The following CLTCL1 variants were observed in gnomAD, a reference collection of about 807,000 sequenced individuals.
CLTCL1 encodes clathrin heavy chain like 1.
Under a neutral mutation model 190.0 loss-of-function variants are expected in CLTCL1, and 159 were observed. The observed-to-expected ratio is 0.84, with a 90% confidence interval of 0.74 to 0.95. CLTCL1 has a LOEUF of 0.95. Ranked by LOEUF, CLTCL1 falls within the 40% of genes least tolerant of loss-of-function variation. CLTCL1 has a pLI of 0.00. For missense variants in CLTCL1, 1,878 were observed against 2,033.4 expected (o/e 0.92, Z 1.47); for synonymous variants, 752 against 769.6 (o/e 0.98, Z 0.38).
intron 1 of CLTCL1, among the ~76,000 whole-genome samples, chr22:19,279,214 C>A (rs1283492776): frequency 3.3e-5 from 5 of 152,198 alleles, no homozygotes; most frequent in Admixed American, 2.0e-4. Context: ...TGGTTCACTG[C>A]AACCTCCGCT....
intron 1 of CLTCL1, among the ~76,000 whole-genome samples, chr22:19,276,830 T>C (rs928339114): frequency 2.6e-5 from 4 of 152,176 alleles, no homozygotes; most frequent in South Asian, 2.1e-4. Flanking sequence ...CCACCACGCC[T>C]GGCTATTTTT....
At chr22:19,242,103 C>T (rs782185760) in intron 4 of CLTCL1, among the ~76,000 whole-genome samples, 7 of 151,642 alleles carry the variant, frequency 4.6e-5, no homozygotes, top group Non-Finnish European at 8.8e-5. Context: ...CAGCCAGGCC[C>T]GGCTAATTTT....
At chr22:19,279,192 A>G (rs2087619973) in intron 1 of CLTCL1, among the ~76,000 whole-genome samples, 2 of 152,084 alleles carry the variant, frequency 1.3e-5, no homozygotes, top group South Asian at 4.2e-4. Context: ...CTGGAGTGCA[A>G]TGGCACAATC....
At chr22:19,219,347 G>A (rs1457421887) in intron 18 of CLTCL1, among the ~76,000 whole-genome samples, 2 of 151,548 alleles carry the variant, frequency 1.3e-5, no homozygotes, top group African/African-American at 2.4e-5. Flanking sequence ...GCGCCACACA[G>A]TGTGTTTTCG....
intron 19 of CLTCL1, among the ~76,000 whole-genome samples, chr22:19,215,292 T>C (rs2085347561): frequency 2.0e-5 from 3 of 152,244 alleles, no homozygotes; most frequent in Admixed American, 2.0e-4. Context: ...AATTCCTCTC[T>C]ATAATACTAC....
At position 19,233,419 on chromosome 22, in the gene CLTCL1, T is replaced by C; in HGVS notation, c.1368+3A>G. 6.2e-7 allele frequency: 1 copy of C among 1,613,568 alleles called. No homozygotes were observed. The highest frequency in any genetic ancestry group is 8.5e-7 in the Non-Finnish European group (1 of 1,179,676). ...GGGGCTACGAGCTCACAAGTGTTTC[T>C]ACCTTATCTTCTTTCAGCCACTTCT... is the stretch of plus-strand genomic sequence containing the variant. On this transcript the variant is annotated splice_donor_region_variant and intron_variant, in intron 8 of 32. Coordinates refer to ENST00000427926, the MANE Select transcript of CLTCL1 (RefSeq NM_007098.4).
chr22:19,200,711 G>A (rs909798392), intron 23 of CLTCL1, among the ~76,000 whole-genome samples: 5 of 152,118 alleles, frequency 3.3e-5, no homozygotes, highest in African/African-American at 1.2e-4. Flanking sequence ...GCGTGGTGGC[G>A]GGCGCCTGTA....
rs782646824 is a variant in CLTCL1 at position 19,187,666 on chromosome 22, C to T, written c.4497G>A (p.Leu1499=). ...NFDNISLAQQ[L]EKHQLMEFRC... is the part of the protein sequence containing the mutation. Reference sequence around the variant, plus strand: ...TGAACTCCATCAGCTGATGCTTCTCCAGCTGCTGAGCCAGGCTGATGTTGT... The same window carrying T: ...TGAACTCCATCAGCTGATGCTTCTCTAGCTGCTGAGCCAGGCTGATGTTGT... The change falls in exon 29 of 33, where the codon CTG becomes CTA. Residue 1499 remains leucine, a synonymous_variant. Transcript: ENST00000427926. 6 of 1,613,862 alleles carry T rather than the reference C, an allele frequency of 3.7e-6. No individual in the cohort carries two copies. The highest frequency in any genetic ancestry group is 5.1e-6 in the Non-Finnish European group (6 of 1,179,904).
intron 11 of CLTCL1, among the ~76,000 whole-genome samples, chr22:19,227,771 A>G (rs1362566806): frequency 6.6e-6 from 1 of 151,764 alleles, no homozygotes; most frequent in Non-Finnish European, 1.5e-5. Flanking sequence ...TAATTTTTAT[A>G]TTTTTTTGTA....
chr22:19,202,793 G>T (rs1231070359), intron 22 of CLTCL1, among the ~76,000 whole-genome samples: 1 of 151,994 alleles, frequency 6.6e-6, no homozygotes, highest in African/African-American at 2.4e-5. Context: ...TGAGTATTTG[G>T]CTTCCCTTTT....
At position 19,264,168 on chromosome 22, in the gene CLTCL1, G is replaced by A. The variant is rs5748083; in HGVS notation, c.251-9941C>T. On this transcript the variant is annotated intron_variant, in intron 2 of 32. Coordinates refer to ENST00000427926, the MANE Select transcript of CLTCL1 (RefSeq NM_007098.4). ...TTTTTAATTAGCTGGTTGTAGTGGC[G>A]CATGCCTATAGTCCTAGCTACTTGG... Among the ~76,000 whole-genome samples the A allele has an allele frequency of 7.3e-3, 1,104 of 151,818 alleles. 18 individuals carry two copies. The highest frequency in any genetic ancestry group is 0.05 in the South Asian group (243 of 4,820).
At chr22:19,261,538 C>T (rs1555975622) in intron 2 of CLTCL1, among the ~76,000 whole-genome samples, 4 of 152,118 alleles carry the variant, frequency 2.6e-5, no homozygotes, top group African/African-American at 9.7e-5. Flanking sequence ...ATTCGTGATT[C>T]ACGAGAGGAG....
intron 1 of CLTCL1, among the ~76,000 whole-genome samples, chr22:19,281,907 C>T (rs1555986967): frequency 6.6e-6 from 1 of 151,968 alleles, no homozygotes; most frequent in African/African-American, 2.4e-5. Flanking sequence ...AGGTAAAAGT[C>T]CCTCACAAAT....
intron 1 of CLTCL1, among the ~76,000 whole-genome samples, 180 bp downstream of exon 1, chr22:19,291,420 G>T (rs1196219793): frequency 1.3e-5 from 2 of 152,168 alleles, no homozygotes; most frequent in Non-Finnish European, 1.5e-5. Context: ...ACCCAAGCGG[G>T]TCCTCAGGAG....
At chr22:19,270,851 A>C (rs1404185750) in intron 2 of CLTCL1, among the ~76,000 whole-genome samples, 1 of 151,674 alleles carries the variant, frequency 6.6e-6, no homozygotes, top group South Asian at 2.1e-4. Flanking sequence ...CGCTGTCAGG[A>C]TGGGGGTACC....
chr22:19,233,383 A>G (rs2085976089), intron 8 of CLTCL1, 39 bp downstream of exon 8: 1 of 1,610,972 alleles, frequency 6.2e-7, no homozygotes, highest in African/African-American at 1.3e-5. Flanking sequence ...CAAGTTTTCA[A>G]GCTGTGCGGG....
At position 19,191,452 on chromosome 22, in the gene CLTCL1, T is replaced by C. The variant is rs1555932117; in HGVS notation, c.4192-17A>G. Reference sequence around the variant, plus strand: ...GTTGGCAACCTGTGGTGAGCAAAGCTGAGGGTCAGTCCCTGCCGCTGTCTC... The same window carrying C: ...GTTGGCAACCTGTGGTGAGCAAAGCCGAGGGTCAGTCCCTGCCGCTGTCTC... On this transcript the variant is annotated splice_polypyrimidine_tract_variant and intron_variant, in intron 26 of 32. Coordinates refer to ENST00000427926, the MANE Select transcript of CLTCL1 (RefSeq NM_007098.4). 3 of 1,611,770 alleles carry C rather than the reference T, an allele frequency of 1.9e-6. No homozygotes were observed. The highest frequency in any genetic ancestry group is 2.5e-6 in the Non-Finnish European group (3 of 1,179,764).
At chr22:19,265,840 G>C (rs2087106918) in intron 2 of CLTCL1, among the ~76,000 whole-genome samples, 1 of 151,936 alleles carries the variant, frequency 6.6e-6, no homozygotes, top group African/African-American at 2.4e-5. Flanking sequence ...CCAGAAGTAG[G>C]GTTTTTCAAA....
chr22:19,242,733 A>G (rs2086294686), intron 4 of CLTCL1, 42 bp downstream of exon 4: 5 of 1,611,404 alleles, frequency 3.1e-6, no homozygotes, highest in Non-Finnish European at 4.2e-6. Flanking sequence ...ACACCAGCTC[A>G]TGACACTTTT....
Sources: gnomAD v4.1 joint callset for allele counts (sites outside exome capture counted in the v4.1 genomes callset) on GRCh38, gnomAD v4.1.1 for gene constraint, MANE v1.5 for transcripts, NCBI Gene and HGNC (gene_info 2026-07-23, HGNC 2026-07-21) for gene names.